CSNK2A2IP: variants seen among roughly 807,000 people sequenced by gnomAD.
The protein encoded by CSNK2A2IP is casein kinase 2 subunit alpha' interacting protein, also known as casein kinase II subunit alpha'-interacting protein.
At chr3:88,342,861 T>C in the CSNK2A2IP span, among the ~76,000 whole-genome samples, 53 of 152,008 alleles carry the variant, frequency 3.5e-4, no homozygotes, top group Non-Finnish European at 3.1e-4. Context: ...TAGTTACTTA[T>C]GTAGAATTTT....
chr3:88,425,194 C>G, the CSNK2A2IP span, among the ~76,000 whole-genome samples: 1 of 151,854 alleles, frequency 6.6e-6, no homozygotes, highest in African/African-American at 2.4e-5. Flanking sequence ...AGAAGAGCAA[C>G]AACTATATTA....
chr3:88,357,307 A>G, the CSNK2A2IP span, among the ~76,000 whole-genome samples: 1 of 152,042 alleles, frequency 6.6e-6, no homozygotes. Flanking sequence ...GTTTAGTTTC[A>G]TTCTCTTGCA....
chr3:88,406,345 A>G, the CSNK2A2IP span, among the ~76,000 whole-genome samples: 1 of 152,198 alleles, frequency 6.6e-6, no homozygotes, highest in Non-Finnish European at 1.5e-5. Context: ...TTAGAATTCA[A>G]TGAGTACAAT....
the CSNK2A2IP span, among the ~76,000 whole-genome samples, chr3:88,423,756 G>A: frequency 5.3e-5 from 8 of 152,116 alleles, no homozygotes; most frequent in African/African-American, 1.7e-4. Context: ...TTAGATAGAA[G>A]GTGGATTTTG....
At chr3:88,397,257 C>T in the CSNK2A2IP span, among the ~76,000 whole-genome samples, 2 of 152,158 alleles carry the variant, frequency 1.3e-5, no homozygotes, top group Admixed American at 1.3e-4. Context: ...TGTATTTCAG[C>T]TAGAAGTATG....
At chr3:88,403,590 A>G in the CSNK2A2IP span, among the ~76,000 whole-genome samples, 4 of 152,134 alleles carry the variant, frequency 2.6e-5, no homozygotes, top group Admixed American at 2.6e-4. Context: ...TTAGAAAGCA[A>G]TAATAACAAT....
chr3:88,382,787 C>T, the CSNK2A2IP span: 1 of 152,142 alleles, frequency 6.6e-6, no homozygotes, highest in South Asian at 2.1e-4. Flanking sequence ...AGTTCATACC[C>T]AAGAAGTATG....
chr3:88,400,985 T>C, the CSNK2A2IP span, among the ~76,000 whole-genome samples: 15 of 152,254 alleles, frequency 9.9e-5, no homozygotes, highest in Admixed American at 2.0e-4. Context: ...TGTAGAAGAA[T>C]AACAGAAGAT....
chr3:88,386,118 A>G, the CSNK2A2IP span, among the ~76,000 whole-genome samples: 1 of 150,270 alleles, frequency 6.7e-6, no homozygotes, highest in East Asian at 1.9e-4. Flanking sequence ...TTTCTTTTCT[A>G]TGCTATTTTT....
the CSNK2A2IP span, among the ~76,000 whole-genome samples, chr3:88,455,350 C>T: frequency 6.6e-6 from 1 of 151,926 alleles, no homozygotes; most frequent in Admixed American, 6.6e-5. Flanking sequence ...TCTTTTTTCC[C>T]CACATCCTTG....
At chr3:88,424,818 T>TC in the CSNK2A2IP span, among the ~76,000 whole-genome samples, 1 of 151,858 alleles carries the variant, frequency 6.6e-6, no homozygotes. Context: ...GCTTTTTTTT[T>TC]CTTTTGAATG....
the CSNK2A2IP span, among the ~76,000 whole-genome samples, chr3:88,346,324 GCTACA>G: frequency 6.6e-6 from 1 of 151,996 alleles, no homozygotes; most frequent in Non-Finnish European, 1.5e-5. Context: ...GATGAATGTG[GCTACA>G]CTAAACAGAT....
chr3:88,361,021 G>A, the CSNK2A2IP span, among the ~76,000 whole-genome samples: 66,669 of 151,748 alleles, frequency 0.44, 15,861 homozygotes, highest in South Asian at 0.62. Context: ...TCCACTTTTT[G>A]ATATTTTGTT....
chr3:88,444,976 G>C, the CSNK2A2IP span, among the ~76,000 whole-genome samples: 1 of 152,066 alleles, frequency 6.6e-6, no homozygotes, highest in Non-Finnish European at 1.5e-5. Flanking sequence ...CTGGAAGAAA[G>C]TTACTTTGTG....
the CSNK2A2IP span, among the ~76,000 whole-genome samples, chr3:88,437,135 G>C: frequency 1.3e-5 from 2 of 152,054 alleles, no homozygotes; most frequent in African/African-American, 2.4e-5. Context: ...AGCCATAACT[G>C]CTCTGTCAAA....
chr3:88,466,690 C>G, the CSNK2A2IP span: 1 of 1,164,578 alleles, frequency 8.6e-7, no homozygotes, highest in Non-Finnish European at 1.1e-6. Flanking sequence ...TACCAGAATA[C>G]AGAGGGATCT....
At chr3:88,370,515 C>T in the CSNK2A2IP span, among the ~76,000 whole-genome samples, 1 of 151,716 alleles carries the variant, frequency 6.6e-6, no homozygotes, top group East Asian at 2.0e-4. Flanking sequence ...GAGAACCCTC[C>T]CTTCCATGAA....
the CSNK2A2IP span, among the ~76,000 whole-genome samples, chr3:88,375,434 G>A: frequency 6.6e-6 from 1 of 151,764 alleles, no homozygotes; most frequent in Non-Finnish European, 1.5e-5. Context: ...TTTTAGAGGA[G>A]AAGTTATGAG....
the CSNK2A2IP span, among the ~76,000 whole-genome samples, chr3:88,394,409 G>T: frequency 6.6e-6 from 1 of 152,136 alleles, no homozygotes; most frequent in Admixed American, 6.5e-5. Context: ...TTTTGCTCTT[G>T]TTGCCCAGAC....
Sources: gnomAD v4.1 joint callset for allele counts (sites outside exome capture counted in the v4.1 genomes callset) on GRCh38, gnomAD v4.1.1 for gene constraint, MANE v1.5 for transcripts, NCBI Gene and HGNC (gene_info 2026-07-23, HGNC 2026-07-21) for gene names.